Variants in FAM222A observed in about 807,000 individuals in gnomAD.
FAM222A encodes the protein family with sequence similarity 222 member A.
FAM222A carries 7 observed loss-of-function variants against 25.8 expected under a neutral mutation model. The observed-to-expected ratio is 0.27, with a 90% CI of 0.15 to 0.51. The LOEUF is 0.51. FAM222A is among the 20% of genes least tolerant of loss of function. FAM222A has a pLI of 0.97. For synonymous variants in FAM222A, 294 were observed against 298.8 expected, an observed-to-expected ratio of 0.98 and a Z score of 0.17; for missense variants, 573 against 640.5, an observed-to-expected ratio of 0.89 and a Z score of 1.14.
intron 1 of FAM222A, among the ~76,000 whole-genome samples, chr12:109,716,299 T>A (rs1887644068): frequency 6.6e-6 from 1 of 152,146 alleles, no homozygotes; most frequent in Admixed American, 6.5e-5. Flanking sequence ...CTGGTGAAAC[T>A]GCTGTGATCA....
At chr12:109,717,160 C>G (rs1236855288) in intron 1 of FAM222A, among the ~76,000 whole-genome samples, 1 of 152,208 alleles carries the variant, frequency 6.6e-6, no homozygotes, top group Non-Finnish European at 1.5e-5. Flanking sequence ...ATGCTTTGTC[C>G]ACACCAAAAG....
rs758350800 is a variant in FAM222A, at chr12:109,768,307, C to T, written c.378C>T (p.Leu126=). 2 of 1,606,240 alleles carry T rather than the reference C, an allele frequency of 1.2e-6. No individual in the cohort carries two copies. The highest frequency in any genetic ancestry group is 1.7e-6 in the Non-Finnish European group (2 of 1,177,376). ...CAGCTGGGCCCGCCAAAAGTGTGCT[C>T]AAGAGCGCCGAGGGCAAGCGGACCA... ...AAPAGPAKSV[L]KSAEGKRTKL... is the part of the protein sequence containing the mutation. The change falls in exon 3 of 3, where the codon CTC becomes CTT. Residue 126 remains leucine (L), a synonymous_variant. Transcript: ENST00000538780.
At chr12:109,742,333 G>A (rs928547338) in intron 1 of FAM222A, among the ~76,000 whole-genome samples, 2 of 152,194 alleles carry the variant, frequency 1.3e-5, no homozygotes, top group African/African-American at 4.8e-5. Flanking sequence ...GCCTGCTCCC[G>A]CCACCTGCTC....
chr12:109,752,968 C>T (rs1315312411), intron 2 of FAM222A, among the ~76,000 whole-genome samples: 2 of 152,128 alleles, frequency 1.3e-5, no homozygotes, highest in Non-Finnish European at 2.9e-5. Flanking sequence ...GGAAAAGTGA[C>T]CTGCAGAAAA....
intron 1 of FAM222A, among the ~76,000 whole-genome samples, chr12:109,717,248 C>A (rs1186835083): frequency 6.6e-6 from 1 of 152,228 alleles, no homozygotes; most frequent in Non-Finnish European, 1.5e-5. Flanking sequence ...GCCTTGTGGT[C>A]TGTCTGGTCC....
chr12:109,733,593 G>C (rs561445401), intron 1 of FAM222A, among the ~76,000 whole-genome samples: 7 of 151,948 alleles, frequency 4.6e-5, no homozygotes, highest in African/African-American at 7.3e-5. Context: ...TTAGTAGAGA[G>C]GGGGTTTCAC....
At chr12:109,724,959 C>T (rs1032852762) in intron 1 of FAM222A, among the ~76,000 whole-genome samples, 11 of 152,074 alleles carry the variant, frequency 7.2e-5, no homozygotes, top group Admixed American at 1.3e-4. Context: ...TTCTTGTTGG[C>T]ATCCGGAAAC....
chr12:109,719,094 C>A (rs1338824196), intron 1 of FAM222A, among the ~76,000 whole-genome samples: 1 of 152,202 alleles, frequency 6.6e-6, no homozygotes, highest in Non-Finnish European at 1.5e-5. Context: ...TGTGCAGCCA[C>A]CATCTGGGTC....
chr12:109,744,184 G>A lies in FAM222A; in HGVS notation c.38G>A (p.Gly13Asp). ...CTGCAGAGGACCCAGAACGCCCCGG[G>A]CCAACACCTGGCCTGCCCGAGCAAG... Reference protein sequence around the residue: ...ACLQRTQNAPGQHLACPSKSL... With the variant: ...ACLQRTQNAPDQHLACPSKSL... Residue 13 changes from glycine (G) to aspartate (D), a missense_variant, in exon 2 of 3, where the codon GGC becomes GAC. Around this residue, in one of 3 missense-constraint regions of FAM222A, gnomAD observed 112 missense variants for 154.6 expected, o/e 0.72. Transcript: ENST00000538780. The A allele has an allele frequency of 6.2e-7, 1 of 1,613,414 alleles. No homozygotes were observed. The highest frequency in any genetic ancestry group is 8.5e-7 in the Non-Finnish European group (1 of 1,179,976).
chr12:109,733,506 C>T (rs961844945), intron 1 of FAM222A, among the ~76,000 whole-genome samples: 5 of 152,014 alleles, frequency 3.3e-5, no homozygotes, highest in Non-Finnish European at 5.9e-5. Flanking sequence ...CGGGTTCACG[C>T]CATTCTCCTG....
intron 1 of FAM222A, among the ~76,000 whole-genome samples, chr12:109,729,621 G>A (rs571783718): frequency 4.6e-5 from 7 of 152,368 alleles, no homozygotes; most frequent in South Asian, 2.1e-4. Flanking sequence ...CATAGAAGCC[G>A]CTGCAGCAAC....
chr12:109,746,500 A>C (rs1016557587), intron 2 of FAM222A, among the ~76,000 whole-genome samples: 3 of 152,126 alleles, frequency 2.0e-5, no homozygotes, highest in East Asian at 1.9e-4. Flanking sequence ...AAAAAAACAA[A>C]AAAAAAAGTA....
chr12:109,755,287 CTTTTTTTTTTTTTTTTTTTTTTTTTTT>C (rs540689300), intron 2 of FAM222A, among the ~76,000 whole-genome samples: 8 of 49,384 alleles, frequency 1.6e-4, no homozygotes, highest in Non-Finnish European at 2.4e-4. Context: ...TGTAATTCTT[CTTTTTTTTTTTTTTTTTTTTTTTTTTT>C]TTTTTTTTTT....
In FAM222A at chr12:109,724,888, T is replaced by C. The variant is rs149435492; in HGVS notation, c.-47+9991T>C. 3.2e-4 allele frequency among the ~76,000 whole-genome samples: 49 copies of C among 152,288 alleles called. 1 individual carries two copies. The highest frequency in any genetic ancestry group is 6.8e-3 in the Middle Eastern group (2 of 294). Reference sequence around the variant, plus strand: ...CATGAGGGAGGTATTTGGAGGGCTTTCCGGAGAGGAAATGGGACACAGGCA... The same window carrying C: ...CATGAGGGAGGTATTTGGAGGGCTTCCCGGAGAGGAAATGGGACACAGGCA... On this transcript the variant is annotated intron_variant, in intron 1 of 2. Coordinates refer to ENST00000538780, the MANE Select transcript of FAM222A (RefSeq NM_032829.3).
At chr12:109,743,609 C>T (rs1389926204) in intron 1 of FAM222A, among the ~76,000 whole-genome samples, 3 of 152,192 alleles carry the variant, frequency 2.0e-5, no homozygotes, top group Non-Finnish European at 4.4e-5. Context: ...ATGCCCTGGG[C>T]GGGAGACAGA....
intron 1 of FAM222A, among the ~76,000 whole-genome samples, chr12:109,719,929 G>A (rs1393130384): frequency 3.3e-5 from 5 of 152,218 alleles, no homozygotes; most frequent in African/African-American, 1.2e-4. Flanking sequence ...CTGAAACCCG[G>A]TGAGAGAGAG....
chr12:109,746,122 A>G (rs891962853), intron 2 of FAM222A, among the ~76,000 whole-genome samples: 1 of 152,204 alleles, frequency 6.6e-6, no homozygotes. Flanking sequence ...TCATACTTGG[A>G]AAGTCCTTCC....
At chr12:109,747,405 T>C (rs959183882) in intron 2 of FAM222A, among the ~76,000 whole-genome samples, 4 of 152,152 alleles carry the variant, frequency 2.6e-5, no homozygotes, top group African/African-American at 9.7e-5. Flanking sequence ...CTATAGTACA[T>C]TTTAGTATTT....
At chr12:109,757,759 G>T (rs542210604) in intron 2 of FAM222A, among the ~76,000 whole-genome samples, 17 of 151,784 alleles carry the variant, frequency 1.1e-4, no homozygotes, top group African/African-American at 1.7e-4. Flanking sequence ...GGAGCCAGGG[G>T]TGGGGAGGGG....
Sources: gnomAD v4.1 joint callset for allele counts (sites outside exome capture counted in the v4.1 genomes callset) on GRCh38, gnomAD v4.1.1 for gene constraint, gnomAD v4.1.1 regional missense constraint, MANE v1.5 for transcripts, NCBI Gene and HGNC (gene_info 2026-07-23, HGNC 2026-07-21) for gene names.